GPC5: variants seen among roughly 807,000 people sequenced by gnomAD.
GPC5 encodes glypican-5.
Under a neutral mutation model 53.9 loss-of-function variants are expected in GPC5, and 47 were observed. The observed-to-expected ratio is 0.87, with a 90% CI of 0.69 to 1.11. GPC5 has a LOEUF of 1.11. Among genes scored for constraint, GPC5 ranks in the 50% most tolerant of loss-of-function variants. The pLI is 0.00. For synonymous variants in GPC5, 286 were observed against 263.3 expected (o/e 1.09, Z -0.84); for missense variants, 748 against 713.1 (o/e 1.05, Z -0.56).
intron 7 of GPC5, among the ~76,000 whole-genome samples, chr13:92,639,558 C>CTTAT (rs1404348262): frequency 1.3e-5 from 2 of 152,146 alleles, no homozygotes; most frequent in African/African-American, 4.8e-5. Flanking sequence ...TTCATGGAGT[C>CTTAT]TTATTTATCA....
At chr13:92,260,071 G>A (rs944510185) in intron 7 of GPC5, among the ~76,000 whole-genome samples, 2 of 152,128 alleles carry the variant, frequency 1.3e-5, no homozygotes, top group Non-Finnish European at 2.9e-5. Flanking sequence ...TCATACATAA[G>A]TCAAGCCTCT....
chr13:91,888,761 T>C (rs1489528883), intron 5 of GPC5, among the ~76,000 whole-genome samples: 1 of 152,160 alleles, frequency 6.6e-6, no homozygotes, highest in Non-Finnish European at 1.5e-5. Context: ...AAGTTGCTTA[T>C]CAGTAGTTTC....
chr13:92,632,951 C>T (rs578193470), intron 7 of GPC5, among the ~76,000 whole-genome samples: 106 of 152,226 alleles, frequency 7.0e-4, no homozygotes, highest in Admixed American at 1.9e-3. Context: ...AGCACAATGG[C>T]GCTATCTTGG....
At chr13:92,741,741 C>G (rs1419225703) in intron 7 of GPC5, among the ~76,000 whole-genome samples, 1 of 152,068 alleles carries the variant, frequency 6.6e-6, no homozygotes, top group East Asian at 1.9e-4. Context: ...CCCCTCTCCC[C>G]CTACACCACA....
At chr13:91,439,654 T>G (rs1880271698) in intron 1 of GPC5, among the ~76,000 whole-genome samples, 1 of 152,206 alleles carries the variant, frequency 6.6e-6, no homozygotes. Context: ...GTACTCATAA[T>G]TTATGCAGTT....
Position 92,513,483 on chromosome 13 carries a change from T to TA in GPC5, c.1562-352797dup, listed in dbSNP as rs1555339525. Among the ~76,000 whole-genome samples, 200 of 148,634 alleles carry TA rather than the reference T, an allele frequency of 1.3e-3. 2 individuals carry two copies. The highest frequency in any genetic ancestry group is 3.5e-3 in the Middle Eastern group (1 of 286). The stretch of plus-strand genomic sequence containing the variant: ...AAAGCTTTTTTCTGTTTTTTTTTTT[T>TA]AATTAAGGCATATAAGACATCTTTC... On this transcript the variant is annotated intron_variant, in intron 7 of 7. Transcript: ENST00000377067.
chr13:92,311,282 G>T (rs2043143345), intron 7 of GPC5, among the ~76,000 whole-genome samples: 1 of 152,086 alleles, frequency 6.6e-6, no homozygotes, highest in South Asian at 2.1e-4. Flanking sequence ...AACTCTCCTG[G>T]CCACTGAGAA....
chr13:91,410,497 C>T (rs1877654126), intron 1 of GPC5, among the ~76,000 whole-genome samples: 1 of 144,254 alleles, frequency 6.9e-6, no homozygotes, highest in South Asian at 2.5e-4. Context: ...AGGCACCCGC[C>T]ACCACACCTG....
chr13:91,457,201 C>A (rs1881623573), intron 2 of GPC5, among the ~76,000 whole-genome samples: 1 of 152,024 alleles, frequency 6.6e-6, no homozygotes, highest in South Asian at 2.1e-4. Context: ...TTTTTGGAAG[C>A]ATGGCTTACC....
chr13:92,527,079 AAT>A lies in GPC5; in HGVS notation c.1562-339200_1562-339199del, dbSNP rs369364903. On this transcript the variant is annotated intron_variant, in intron 7 of 7. Transcript: ENST00000377067. Reference sequence around the variant, plus strand: ...AAATATTTAAACCTAAAGATCCCACAATATGAGATTCTGTAGGAAAAGAAAGA... The same window carrying A: ...AAATATTTAAACCTAAAGATCCCACAATGAGATTCTGTAGGAAAAGAAAGA... Among the ~76,000 whole-genome samples, 567 of 135,938 alleles carry A rather than the reference AAT, an allele frequency of 4.2e-3. 6 individuals carry two copies. Among genetic ancestry groups the A allele is most frequent in the African/African-American group, 0.014 (532 of 37,318 alleles). 89.2% of individuals were successfully genotyped at this position (135,938 alleles called of 152,430 possible). A position where few individuals can be genotyped will look rare whatever the true frequency, so the allele number is the denominator to read the frequency against.
chr13:91,835,747 G>A (rs936107431), intron 5 of GPC5, among the ~76,000 whole-genome samples: 1 of 151,758 alleles, frequency 6.6e-6, no homozygotes, highest in Admixed American at 6.6e-5. Flanking sequence ...GTTGGGGGGT[G>A]AGGGGAGGGA....
At chr13:91,760,108 TTTA>T (rs1403370583) in intron 5 of GPC5, among the ~76,000 whole-genome samples, 6 of 152,114 alleles carry the variant, frequency 3.9e-5, no homozygotes, top group African/African-American at 1.4e-4. Context: ...TTTTTTATGT[TTTA>T]TAATTCTCAA....
At chr13:92,591,316 C>T (rs900782690) in intron 7 of GPC5, among the ~76,000 whole-genome samples, 4 of 152,068 alleles carry the variant, frequency 2.6e-5, no homozygotes, top group African/African-American at 4.8e-5. Flanking sequence ...TATTAGGGAA[C>T]GTGGACCTTG....
intron 6 of GPC5, among the ~76,000 whole-genome samples, chr13:92,000,354 T>A (rs1312547871): frequency 6.6e-6 from 1 of 152,132 alleles, no homozygotes; most frequent in East Asian, 1.9e-4. Flanking sequence ...ACTCAACTAT[T>A]CTTCAGAAAT....
At chr13:92,165,059 C>T (rs1277444701) in intron 7 of GPC5, among the ~76,000 whole-genome samples, 1 of 152,172 alleles carries the variant, frequency 6.6e-6, no homozygotes, top group Non-Finnish European at 1.5e-5. Context: ...TCTTTCCCTC[C>T]TGATCCTCTA....
At chr13:92,550,606 A>G (rs1246433559) in intron 7 of GPC5, among the ~76,000 whole-genome samples, 1 of 151,816 alleles carries the variant, frequency 6.6e-6, no homozygotes, top group African/African-American at 2.4e-5. Context: ...GACCTGAAAA[A>G]GGGGTATTAA....
intron 6 of GPC5, among the ~76,000 whole-genome samples, chr13:91,992,358 A>C (rs2040464634): frequency 6.6e-6 from 1 of 152,168 alleles, no homozygotes. Flanking sequence ...TTATTCTACC[A>C]GTAGCCAGTG....
At chr13:92,475,994 A>G (rs1879111032) in intron 7 of GPC5, among the ~76,000 whole-genome samples, 1 of 152,142 alleles carries the variant, frequency 6.6e-6, no homozygotes, top group Non-Finnish European at 1.5e-5. Flanking sequence ...CAAGGACTTC[A>G]TGTCTAAAAC....
chr13:92,004,629 G>T (rs2040590239), intron 6 of GPC5, among the ~76,000 whole-genome samples: 1 of 151,238 alleles, frequency 6.6e-6, no homozygotes, highest in African/African-American at 2.4e-5. Context: ...ACATTTTCAT[G>T]CTGCTGATAA....
Sources: gnomAD v4.1 joint callset for allele counts (sites outside exome capture counted in the v4.1 genomes callset) on GRCh38, gnomAD v4.1.1 for gene constraint, MANE v1.5 for transcripts, NCBI Gene and HGNC (gene_info 2026-07-23, HGNC 2026-07-21) for gene names.